Variants in HERC3 observed in about 807,000 individuals in gnomAD.
HERC3 encodes probable E3 ubiquitin-protein ligase HERC3.
In HERC3, 58 loss-of-function variants were observed where a neutral mutation model predicts 129.9. The observed-to-expected ratio is 0.45, with a 90% CI of 0.36 to 0.56. The LOEUF (loss-of-function observed/expected upper bound fraction) is 0.56, where lower values mean the gene tolerates loss of function less well. Among genes scored for constraint, HERC3 ranks in the 20% least tolerant of loss-of-function variants. The probability of loss-of-function intolerance (pLI) is 0.00; values close to 1 mark genes in which losing one functional copy is unlikely to be tolerated. For missense variants in HERC3, 835 were observed against 1,244.2 expected, an observed-to-expected ratio of 0.67 and a Z score of 4.95; for synonymous variants, 430 against 451.0, an observed-to-expected ratio of 0.95 and a Z score of 0.59.
At chr4:88,555,962 G>T in the HERC3 span, among the ~76,000 whole-genome samples, 2 of 152,186 alleles carry the variant, frequency 1.3e-5, no homozygotes, top group East Asian at 1.9e-4. Context: ...AGGCATGGGG[G>T]TCTCCAATGG....
the HERC3 span, among the ~76,000 whole-genome samples, chr4:88,577,114 A>G: frequency 1.1e-3 from 167 of 152,294 alleles, no homozygotes; most frequent in African/African-American, 3.8e-3. Context: ...TGGAAGGGGT[A>G]TACAACTGTA....
intron 6 of HERC3, 98 bp from the exon 7 acceptor site, chr4:88,653,944 T>G (rs557572889): frequency 1.2e-6 from 1 of 846,110 alleles, no homozygotes; most frequent in Non-Finnish European, 2.0e-6. Flanking sequence ...TGAACATGCG[T>G]CAGGAATCCA....
intron 3 of HERC3, among the ~76,000 whole-genome samples, chr4:88,632,534 A>T (rs1726890709): frequency 6.6e-6 from 1 of 152,228 alleles, no homozygotes; most frequent in African/African-American, 2.4e-5. Context: ...AAGCTGGCCC[A>T]AATACTTGTG....
chr4:88,567,636 T>G, the HERC3 span, among the ~76,000 whole-genome samples: 51 of 152,326 alleles, frequency 3.3e-4, no homozygotes, highest in South Asian at 0.011. Flanking sequence ...TGCTTAGGTT[T>G]TTAAAAATTA....
the HERC3 span, among the ~76,000 whole-genome samples, chr4:88,581,724 T>C: frequency 2.0e-5 from 3 of 152,188 alleles, no homozygotes; most frequent in Admixed American, 1.3e-4. Context: ...AGTGCTGGGA[T>C]TACAGGCATG....
At chr4:88,632,472 T>C (rs1210386765) in intron 3 of HERC3, among the ~76,000 whole-genome samples, 1 of 152,242 alleles carries the variant, frequency 6.6e-6, no homozygotes, top group African/African-American at 2.4e-5. Context: ...ATAATGTAGA[T>C]GTTGGAATTA....
chr4:88,593,064 C>G lies in HERC3; in HGVS notation c.-88+490C>G, dbSNP rs1051935837. Among the ~76,000 whole-genome samples, 7 of 144,796 alleles carry G rather than the reference C, an allele frequency of 4.8e-5. No individual in the cohort carries two copies. In the East Asian group the frequency reaches 1.4e-3, roughly 29 times the overall value. The allele number at this position is 144,796 out of a possible 152,430, so 95.0% of individuals were successfully genotyped here. A position where few individuals can be genotyped will look rare whatever the true frequency, so the allele number is the denominator to read the frequency against. On this transcript the variant is annotated intron_variant, in intron 1 of 25. Coordinates refer to ENST00000402738, the MANE Select transcript of HERC3 (RefSeq NM_014606.3). ...AATTGAAATGGGAGCTGGCGAGGCC[C>G]TGGCATTTTGGGGAACCTCAGCGGC...
chr4:88,633,346 C>T (rs1390911680), intron 3 of HERC3, among the ~76,000 whole-genome samples: 2 of 152,088 alleles, frequency 1.3e-5, no homozygotes, highest in East Asian at 3.8e-4. Flanking sequence ...CTTGAGTTCT[C>T]CAGTATATAT....
chr4:88,581,602 G>A, the HERC3 span, among the ~76,000 whole-genome samples: 7 of 151,716 alleles, frequency 4.6e-5, no homozygotes, highest in Non-Finnish European at 2.9e-5. Flanking sequence ...CAATGTGCCC[G>A]GCCCTCTTTC....
intron 3 of HERC3, among the ~76,000 whole-genome samples, chr4:88,614,545 G>A (rs1262062994): frequency 1.3e-5 from 2 of 151,946 alleles, no homozygotes; most frequent in African/African-American, 4.8e-5. Flanking sequence ...TTTGGTAAAA[G>A]GTACTAAGAA....
Position 88,687,233 on chromosome 4 carries a change from A to T in HERC3, c.2591A>T (p.Tyr864Phe). 1 of 1,611,816 alleles carries T rather than the reference A, an allele frequency of 6.2e-7. No homozygotes were observed. The highest frequency in any genetic ancestry group is 8.5e-7 in the Non-Finnish European group (1 of 1,178,198). The change falls in exon 23 of 26, where the codon TAT becomes TTT. Residue 864 changes from tyrosine (Y) to phenylalanine (F), a missense_variant. By Grantham distance (22) the Tyr-to-Phe change is conservative. Coordinates refer to ENST00000402738, the MANE Select transcript of HERC3 (RefSeq NM_014606.3). ...CLNFTICRES[Y>F]GVIEQKKLIP... Reference sequence around the variant, plus strand: ...TAAATATAGATCTGCCGAGAAAGCTATGGAGTGATTGAACAGAAGAAGCTG... The same window carrying T: ...TAAATATAGATCTGCCGAGAAAGCTTTGGAGTGATTGAACAGAAGAAGCTG...
chr4:88,578,728 C>T, the HERC3 span, among the ~76,000 whole-genome samples: 1 of 152,132 alleles, frequency 6.6e-6, no homozygotes, highest in African/African-American at 2.4e-5. Flanking sequence ...TTTGTTATCT[C>T]TTTGAACCCT....
chr4:88,700,540 A>G (rs1735224253), intron 23 of HERC3, among the ~76,000 whole-genome samples: 1 of 152,160 alleles, frequency 6.6e-6, no homozygotes, highest in South Asian at 2.1e-4. Flanking sequence ...AGGTTTTTCT[A>G]TCAAGCTCCT....
At chr4:88,561,696 A>G in the HERC3 span, among the ~76,000 whole-genome samples, 1 of 151,926 alleles carries the variant, frequency 6.6e-6, no homozygotes, top group African/African-American at 2.4e-5. Context: ...CCATCATTCT[A>G]CTGTCCATCT....
At chr4:88,697,950 C>G in intron 23 of HERC3, 1 of 696,488 alleles carries the variant, frequency 1.4e-6, no homozygotes, top group Non-Finnish European at 2.4e-6. Context: ...TGTGCTCATA[C>G]TGCACCAGAT....
At chr4:88,674,659 G>A (rs561284896) in intron 16 of HERC3, among the ~76,000 whole-genome samples, 1 of 152,104 alleles carries the variant, frequency 6.6e-6, no homozygotes, top group Non-Finnish European at 1.5e-5. Context: ...ACTTAGCTTT[G>A]TATAGTGCTG....
intron 21 of HERC3, chr4:88,685,028 T>G (rs944439926): frequency 6.6e-6 from 1 of 151,904 alleles, no homozygotes; most frequent in Admixed American, 6.6e-5. Flanking sequence ...GAAATGCAAA[T>G]CAAAACCACA....
chr4:88,620,955 G>T (rs576808067), intron 3 of HERC3, among the ~76,000 whole-genome samples: 10 of 152,082 alleles, frequency 6.6e-5, no homozygotes, highest in African/African-American at 2.4e-4. Context: ...CCCCTTCCTT[G>T]CTTTGGGCAT....
the HERC3 span, among the ~76,000 whole-genome samples, chr4:88,576,738 T>C: frequency 3.2e-4 from 48 of 152,312 alleles, no homozygotes; most frequent in East Asian, 1.5e-3. Flanking sequence ...AAAATGCTCT[T>C]AGTACAGATA....
Sources: allele counts gnomAD v4.1 joint callset (sites outside exome capture counted in the v4.1 genomes callset), GRCh38; gene constraint gnomAD v4.1.1; transcripts MANE v1.5; gene names NCBI Gene and HGNC (gene_info 2026-07-23, HGNC 2026-07-21).